MGAT4C: variants seen among roughly 807,000 people sequenced by gnomAD.
The protein encoded by MGAT4C is MGAT4 family member C.
In MGAT4C, 19 loss-of-function variants were observed where a neutral mutation model predicts 40.1. That is an observed-to-expected ratio of 0.47 (90% CI 0.33 to 0.70). The LOEUF is 0.70. MGAT4C is among the 30% of genes least tolerant of loss of function. The probability of loss-of-function intolerance (pLI) is 0.02; values close to 1 mark genes in which losing one functional copy is unlikely to be tolerated. For synonymous variants in MGAT4C, 181 were observed against 187.1 expected, an observed-to-expected ratio of 0.97 and a Z score of 0.27; for missense variants, 491 against 563.2, an observed-to-expected ratio of 0.87 and a Z score of 1.30.
In MGAT4C at chr12:86,440,269, G is replaced by T. The variant is rs1957203443; in HGVS notation, c.-228-5004C>A. ...ACCAAATTCGACAGCACTTCAAAAT[G>T]ATAATTCACTATGATTATGTGGGTT... On this transcript the variant is annotated intron_variant, in intron 2 of 7. Transcript: ENST00000548651. Among the ~76,000 whole-genome samples, 3 of 152,126 alleles carry T rather than the reference G, an allele frequency of 2.0e-5. No homozygotes were observed. In the Middle Eastern group the frequency reaches 0.01, roughly 517 times the overall value.
intron 1 of MGAT4C, among the ~76,000 whole-genome samples, chr12:86,748,137 T>G (rs1951181244): frequency 6.6e-6 from 1 of 151,536 alleles, no homozygotes; most frequent in South Asian, 2.1e-4. Flanking sequence ...CATGTGTAGC[T>G]CAAAGAAAAG....
chr12:86,401,289 T>G (rs1039285573), intron 3 of MGAT4C, among the ~76,000 whole-genome samples: 12 of 149,110 alleles, frequency 8.0e-5, no homozygotes, highest in African/African-American at 1.3e-4. Flanking sequence ...TGTATGTGGG[T>G]GTGTGTGTGT....
intron 2 of MGAT4C, among the ~76,000 whole-genome samples, chr12:86,489,645 C>G (rs1237108250): frequency 6.6e-6 from 1 of 152,186 alleles, no homozygotes; most frequent in Non-Finnish European, 1.5e-5. Context: ...CCTGCTGGCA[C>G]TGAAGCTGCT....
chr12:86,807,417 G>T (rs1270954087), intron 1 of MGAT4C, among the ~76,000 whole-genome samples: 2 of 151,884 alleles, frequency 1.3e-5, no homozygotes, highest in African/African-American at 4.8e-5. Flanking sequence ...GAGGATAATG[G>T]CTCCAGCTCC....
At position 86,490,227 on chromosome 12, in the gene MGAT4C, G is replaced by A. The variant is rs571115378; in HGVS notation, c.-228-54962C>T. Among the ~76,000 whole-genome samples, 23 of 152,106 alleles carry A rather than the reference G, an allele frequency of 1.5e-4. No individual in the cohort carries two copies. In the South Asian group the frequency reaches 2.7e-3, roughly 18 times the overall value. ...CCGTCAGACTAACAGCGGATCTCTC[G>A]GCAGAAACCCTACAAGCCAGAAGAG... On this transcript the variant is annotated intron_variant, in intron 2 of 7. Transcript: ENST00000548651.
intron 4 of MGAT4C, among the ~76,000 whole-genome samples, chr12:86,274,139 A>G (rs182691898): frequency 4.6e-5 from 7 of 152,272 alleles, no homozygotes; most frequent in Non-Finnish European, 1.5e-5. Context: ...AAGAGGTGCT[A>G]CACACTTTTA....
rs1226916126 is a variant in MGAT4C, at chr12:85,999,583, G to GTGTA, written c.-6-10032_-6-10031insTACA. Among the ~76,000 whole-genome samples, 268 of 122,972 alleles carry GTGTA rather than the reference G, an allele frequency of 2.2e-3. 1 individual carries two copies. Among genetic ancestry groups the GTGTA allele is most frequent in the Middle Eastern group, 3.9e-3 (1 of 258 alleles). 80.7% of individuals were successfully genotyped at this position (122,972 alleles called of 152,430 possible). On this transcript the variant is annotated intron_variant, in intron 2 of 4. Transcript: ENST00000611864. The stretch of plus-strand genomic sequence containing the variant: ...AAAGAAAATGTGTGTGTGTGTGTGT[G>GTGTA]TATATATATATATATATATATATAT...
chr12:86,159,979 T>C (rs1257205445), intron 1 of MGAT4C, among the ~76,000 whole-genome samples: 2 of 152,108 alleles, frequency 1.3e-5, no homozygotes, highest in Non-Finnish European at 2.9e-5. Flanking sequence ...ATTTATTTAT[T>C]TGAAAAACCA....
chr12:86,660,989 A>T (rs928947795), intron 2 of MGAT4C, among the ~76,000 whole-genome samples: 20 of 152,200 alleles, frequency 1.3e-4, no homozygotes, highest in Non-Finnish European at 2.8e-4. Context: ...TGGGTAGAAT[A>T]AACTGGCTCT....
At chr12:86,187,857 T>C (rs890007675) in intron 1 of MGAT4C, among the ~76,000 whole-genome samples, 2 of 151,996 alleles carry the variant, frequency 1.3e-5, no homozygotes, top group African/African-American at 4.8e-5. Context: ...AAATCAATAA[T>C]TAGTTATCTC....
chr12:86,071,162 C>A (rs984100158), intron 1 of MGAT4C, among the ~76,000 whole-genome samples: 1 of 151,896 alleles, frequency 6.6e-6, no homozygotes, highest in Admixed American at 6.6e-5. Context: ...AATACCACAG[C>A]CAGAAGCTAT....
intron 1 of MGAT4C, among the ~76,000 whole-genome samples, chr12:86,200,622 T>C (rs1404995480): frequency 1.3e-5 from 2 of 152,132 alleles, no homozygotes; most frequent in Non-Finnish European, 2.9e-5. Flanking sequence ...AATAAGCACC[T>C]TTTTATGTTC....
chr12:86,500,532 A>C lies in MGAT4C; in HGVS notation c.-228-65267T>G, dbSNP rs78305521. Among the ~76,000 whole-genome samples, 1,363 of 152,058 alleles carry C rather than the reference A, an allele frequency of 9.0e-3. 26 individuals carry two copies. The highest frequency in any genetic ancestry group is 0.032 in the African/African-American group (1,318 of 41,534). ...GGCAAAATATAAGTGACATAGTAAA[A>C]TAGAGAAGATAGAAATAATCCTTTA... is the stretch of plus-strand genomic sequence containing the variant. On this transcript the variant is annotated intron_variant, in intron 2 of 7. Coordinates refer to the MGAT4C transcript ENST00000548651.
At chr12:86,310,102 T>A (rs1954031694) in intron 4 of MGAT4C, among the ~76,000 whole-genome samples, 1 of 149,676 alleles carries the variant, frequency 6.7e-6, no homozygotes. Flanking sequence ...ACCAGTGAGC[T>A]AAGGGCAAGA....
At chr12:86,063,737 C>A (rs1894225850) in intron 1 of MGAT4C, among the ~76,000 whole-genome samples, 1 of 152,168 alleles carries the variant, frequency 6.6e-6, no homozygotes, top group African/African-American at 2.4e-5. Context: ...CAAAAAAGAG[C>A]AGCGGTTGCA....
rs1279089612 is a variant in MGAT4C at position 86,408,473 on chromosome 12, CTCTCTCTATATATA to C, written c.-120+26670_-120+26683del. 1.6e-4 allele frequency among the ~76,000 whole-genome samples: 17 copies of C among 108,140 alleles called. No individual in the cohort carries two copies. In the East Asian group the frequency reaches 4.2e-3, roughly 26 times the overall value. The allele number at this position is 108,140 out of a possible 152,430, so 70.9% of individuals were successfully genotyped here. A position where few individuals can be genotyped will look rare whatever the true frequency, so the allele number is the denominator to read the frequency against. On this transcript the variant is annotated intron_variant, in intron 3 of 7. Coordinates refer to the MGAT4C transcript ENST00000548651. ...ACTCTCTCTCTCTCTCTCTCTCTCT[CTCTCTCTATATATA>C]TATATATATATATATATATATATAT...
chr12:86,713,148 A>T (rs1325322066), intron 2 of MGAT4C, among the ~76,000 whole-genome samples: 4 of 152,062 alleles, frequency 2.6e-5, no homozygotes, highest in African/African-American at 9.7e-5. Context: ...ACATTAAGGG[A>T]TTCCACTTAT....
At chr12:86,269,447 A>T (rs1285693408) in intron 4 of MGAT4C, among the ~76,000 whole-genome samples, 1 of 151,922 alleles carries the variant, frequency 6.6e-6, no homozygotes, top group Non-Finnish European at 1.5e-5. Context: ...AGAAAATTCC[A>T]ATTTAACTAC....
At chr12:86,529,131 A>G (rs1958935130) in intron 2 of MGAT4C, among the ~76,000 whole-genome samples, 1 of 152,108 alleles carries the variant, frequency 6.6e-6, no homozygotes, top group Non-Finnish European at 1.5e-5. Context: ...AGCCTTGGTC[A>G]TGATCCAAAG....
Sources: gnomAD v4.1 joint callset for allele counts (sites outside exome capture counted in the v4.1 genomes callset) on GRCh38, gnomAD v4.1.1 for gene constraint, MANE v1.5 for transcripts, NCBI Gene and HGNC (gene_info 2026-07-23, HGNC 2026-07-21) for gene names.